RYR2: variants seen among roughly 807,000 people sequenced by gnomAD.
RYR2 encodes the protein ryanodine receptor 2, also known as cardiac muscle ryanodine receptor-calcium release channel.
RYR2 carries 227 observed loss-of-function variants against 601.1 expected under a neutral mutation model. The ratio of observed to expected loss-of-function variants is 0.38; its 90% CI spans 0.34 to 0.42. The LOEUF (loss-of-function observed/expected upper bound fraction) is 0.42, where lower values mean the gene tolerates loss of function less well. Among genes scored for constraint, RYR2 ranks in the 10% least tolerant of loss-of-function variants. The pLI is 1.00. For synonymous variants in RYR2, 2,223 were observed against 2,175.1 expected (o/e 1.02, Z -0.61); for missense variants, 4,646 against 6,156.5 (o/e 0.75, Z 8.21).
At chr1:237,052,898 G>C (rs1181635480) in intron 1 of RYR2, among the ~76,000 whole-genome samples, 1 of 152,060 alleles carries the variant, frequency 6.6e-6, no homozygotes, top group African/African-American at 2.4e-5. Context: ...TGCCAGGCTG[G>C]AGTGCAGTGG....
intron 34 of RYR2, among the ~76,000 whole-genome samples, chr1:237,598,326 A>G (rs1193338644): frequency 6.6e-6 from 1 of 152,238 alleles, no homozygotes; most frequent in Non-Finnish European, 1.5e-5. Context: ...CTAGACATTT[A>G]CAGAACATTC....
intron 101 of RYR2, among the ~76,000 whole-genome samples, chr1:237,823,597 C>A (rs1161543477): frequency 6.6e-6 from 1 of 152,050 alleles, no homozygotes; most frequent in Non-Finnish European, 1.5e-5. Context: ...AAAATTGACA[C>A]CCTAACATCA....
chr1:237,573,231 T>TAC (rs10556537), intron 29 of RYR2, among the ~76,000 whole-genome samples: 3,318 of 148,886 alleles, frequency 0.022, 48 homozygotes, highest in Non-Finnish European at 0.03. Context: ...GATATACACA[T>TAC]ACACACACAC....
intron 1 of RYR2, among the ~76,000 whole-genome samples, chr1:237,060,803 C>T (rs1214966999): frequency 1.3e-5 from 2 of 152,128 alleles, no homozygotes; most frequent in African/African-American, 4.8e-5. Flanking sequence ...TGGGTTGTTT[C>T]TGGTTTCACT....
intron 2 of RYR2, among the ~76,000 whole-genome samples, chr1:237,277,240 C>T (rs1216177653): frequency 2.0e-5 from 3 of 152,132 alleles, no homozygotes; most frequent in Non-Finnish European, 4.4e-5. Context: ...TAATAAAATA[C>T]CTCCTTAACA....
At chr1:237,486,482 T>C (rs1048920809) in intron 17 of RYR2, among the ~76,000 whole-genome samples, 5 of 152,152 alleles carry the variant, frequency 3.3e-5, no homozygotes, top group African/African-American at 1.2e-4. Flanking sequence ...TCCAAACTTA[T>C]GGAATGAAAA....
intron 1 of RYR2, among the ~76,000 whole-genome samples, chr1:237,159,269 C>A (rs1273399857): frequency 1.3e-5 from 2 of 151,890 alleles, no homozygotes; most frequent in African/African-American, 4.8e-5. Context: ...CCAGCCTGGG[C>A]AACAAGAGTG....
chr1:237,629,282 GT>G (rs139931455), intron 41 of RYR2, among the ~76,000 whole-genome samples: 2,297 of 152,096 alleles, frequency 0.015, 35 homozygotes, highest in Non-Finnish European at 0.023. Flanking sequence ...AGCCCAGGCT[GT>G]TTTTTTGTGG....
chr1:237,465,335 A>G (rs1464985063), intron 16 of RYR2, among the ~76,000 whole-genome samples: 1 of 152,122 alleles, frequency 6.6e-6, no homozygotes, highest in Admixed American at 6.6e-5. Context: ...TTATATTGCT[A>G]AATTTGATTT....
intron 3 of RYR2, among the ~76,000 whole-genome samples, chr1:237,335,605 T>A (rs1177560249): frequency 6.6e-6 from 1 of 152,180 alleles, no homozygotes; most frequent in East Asian, 1.9e-4. Context: ...GTGAATTATT[T>A]CTGGGGGGAT....
chr1:237,729,200 G>A (rs905660032), intron 76 of RYR2, among the ~76,000 whole-genome samples: 2 of 152,008 alleles, frequency 1.3e-5, no homozygotes, highest in Admixed American at 1.3e-4. Context: ...TTTCAAAATG[G>A]TATCCTTTAT....
At chr1:237,226,085 G>A (rs1470845468) in intron 1 of RYR2, among the ~76,000 whole-genome samples, 1 of 151,878 alleles carries the variant, frequency 6.6e-6, no homozygotes, top group Non-Finnish European at 1.5e-5. Context: ...GGTGTCCCCT[G>A]TAACATTAGC....
At chr1:237,811,239 C>A (rs1005413511) in intron 100 of RYR2, among the ~76,000 whole-genome samples, 1 of 152,048 alleles carries the variant, frequency 6.6e-6, no homozygotes, top group Non-Finnish European at 1.5e-5. Context: ...AGGTGGCTGA[C>A]CTGAGGGAAT....
chr1:237,074,865 T>G (rs998436625), intron 1 of RYR2, among the ~76,000 whole-genome samples: 15 of 152,170 alleles, frequency 9.9e-5, no homozygotes, highest in Admixed American at 9.8e-4. Context: ...AAGAGTTGAT[T>G]TGCAGGTTAG....
chr1:237,429,472 A>T (rs1706568074), intron 12 of RYR2, among the ~76,000 whole-genome samples: 1 of 152,164 alleles, frequency 6.6e-6, no homozygotes, highest in Non-Finnish European at 1.5e-5. Context: ...AGCCTGAGGC[A>T]GATGCTTGTC....
intron 2 of RYR2, among the ~76,000 whole-genome samples, chr1:237,287,233 C>G (rs1691666598): frequency 6.6e-6 from 1 of 152,142 alleles, no homozygotes; most frequent in African/African-American, 2.4e-5. Context: ...TGTCTCACAG[C>G]TCTTAAGATT....
chr1:237,058,774 T>C (rs918608198), intron 1 of RYR2, among the ~76,000 whole-genome samples: 8 of 124,978 alleles, frequency 6.4e-5, no homozygotes, highest in African/African-American at 2.6e-4. Flanking sequence ...TTAAGGTGCT[T>C]AGAGATGCTG....
At chr1:237,446,516 A>T (rs1708350403) in intron 14 of RYR2, among the ~76,000 whole-genome samples, 1 of 151,440 alleles carries the variant, frequency 6.6e-6, no homozygotes, top group Non-Finnish European at 1.5e-5. Context: ...AAAGAATTTG[A>T]AAGGATTTTT....
chr1:237,685,954 T>C (rs1346942473), intron 62 of RYR2, among the ~76,000 whole-genome samples: 8 of 152,212 alleles, frequency 5.3e-5, no homozygotes, highest in Non-Finnish European at 4.4e-5. Flanking sequence ...CATCAATACA[T>C]GAATCCACAT....
Sources: gnomAD v4.1 joint callset for allele counts (sites outside exome capture counted in the v4.1 genomes callset) on GRCh38, gnomAD v4.1.1 for gene constraint, MANE v1.5 for transcripts, NCBI Gene and HGNC (gene_info 2026-07-23, HGNC 2026-07-21) for gene names.